The following ATXN7L1 variants were observed in gnomAD, a reference collection of about 807,000 sequenced individuals.
ATXN7L1 encodes the protein ataxin-7-like protein 1.
Under a neutral mutation model 70.8 loss-of-function variants are expected in ATXN7L1, and 15 were observed. That is an observed-to-expected ratio of 0.21 (90% CI 0.14 to 0.33). The LOEUF (loss-of-function observed/expected upper bound fraction) is 0.33, where lower values mean the gene tolerates loss of function less well. Among genes scored for constraint, ATXN7L1 ranks in the 10% least tolerant of loss-of-function variants. The pLI is 1.00. For missense variants in ATXN7L1, 975 were observed against 1,097.1 expected, an observed-to-expected ratio of 0.89 and a Z score of 1.57; for synonymous variants, 440 against 445.1, an observed-to-expected ratio of 0.99 and a Z score of 0.14.
intron 3 of ATXN7L1, among the ~76,000 whole-genome samples, chr7:105,714,674 T>C (rs1794320860): frequency 6.6e-6 from 1 of 152,044 alleles, no homozygotes; most frequent in African/African-American, 2.4e-5. Flanking sequence ...TGTTTTTGTT[T>C]TTGTTTTTGA....
At chr7:105,623,381 C>T (rs546016110) in intron 8 of ATXN7L1, among the ~76,000 whole-genome samples, 16 of 152,156 alleles carry the variant, frequency 1.1e-4, no homozygotes, top group African/African-American at 3.4e-4. Flanking sequence ...AGTGCTCGTA[C>T]GCAAACAATA....
intron 7 of ATXN7L1, among the ~76,000 whole-genome samples, chr7:105,635,556 A>C (rs1165679801): frequency 6.6e-6 from 1 of 152,208 alleles, no homozygotes; most frequent in African/African-American, 2.4e-5. Flanking sequence ...GAGACAGGCT[A>C]AGAACCATGA....
chr7:105,765,244 G>A (rs894423536), intron 3 of ATXN7L1, among the ~76,000 whole-genome samples: 1 of 151,004 alleles, frequency 6.6e-6, no homozygotes, highest in African/African-American at 2.4e-5. Context: ...TGAGGCAGGA[G>A]AATTGCTTAA....
intron 2 of ATXN7L1, among the ~76,000 whole-genome samples, chr7:105,789,413 T>A (rs1804798278): frequency 6.6e-6 from 1 of 152,174 alleles, no homozygotes; most frequent in Middle Eastern, 3.2e-3. Context: ...CATCATTGCC[T>A]GCAGCTGTGT....
chr7:105,612,078 A>G (rs537104969), intron 10 of ATXN7L1, among the ~76,000 whole-genome samples: 1 of 152,314 alleles, frequency 6.6e-6, no homozygotes, highest in South Asian at 2.1e-4. Flanking sequence ...AGCATTTCCT[A>G]CAGTCCTGCA....
chr7:105,635,014 T>A lies in ATXN7L1; in HGVS notation c.1202+3339A>T, dbSNP rs535136861. 2.0e-5 allele frequency among the ~76,000 whole-genome samples: 3 copies of A among 152,238 alleles called. No homozygotes were observed. The South Asian group carries it at 6.2e-4, about 32-fold the overall frequency. On this transcript the variant is annotated intron_variant, in intron 7 of 11. Coordinates refer to ENST00000419735, the MANE Select transcript of ATXN7L1 (RefSeq NM_020725.2). Reference sequence around the variant, plus strand: ...AGAAGTTGCTTTTACCCCAGACTCATCCCTGCCCTTTGTCAGGAATCTAAG... The same window carrying A: ...AGAAGTTGCTTTTACCCCAGACTCAACCCTGCCCTTTGTCAGGAATCTAAG...
At chr7:105,733,553 TCCAC>T (rs1416330000) in intron 3 of ATXN7L1, among the ~76,000 whole-genome samples, 3,435 of 76,396 alleles carry the variant, frequency 0.045, 287 homozygotes, top group South Asian at 0.073. Flanking sequence ...CATCCATCCA[TCCAC>T]CCATCCATCC....
intron 3 of ATXN7L1, among the ~76,000 whole-genome samples, chr7:105,759,109 A>G (rs922583107): frequency 6.6e-6 from 1 of 150,796 alleles, no homozygotes; most frequent in African/African-American, 2.4e-5. Context: ...TAATAAATAT[A>G]CTAAATTATA....
chr7:105,667,041 C>T (rs1015964422), intron 3 of ATXN7L1, among the ~76,000 whole-genome samples: 1 of 152,250 alleles, frequency 6.6e-6, no homozygotes, highest in African/African-American at 2.4e-5. Flanking sequence ...CCCTTCTCAT[C>T]TCTCATGATT....
At chr7:105,683,832 T>G (rs571567793) in intron 3 of ATXN7L1, among the ~76,000 whole-genome samples, 48 of 152,304 alleles carry the variant, frequency 3.2e-4, no homozygotes, top group African/African-American at 1.1e-3. Flanking sequence ...CTTGCCAACC[T>G]GATCGTTCAT....
chr7:105,692,011 G>C (rs952514662), intron 3 of ATXN7L1, among the ~76,000 whole-genome samples: 17 of 152,152 alleles, frequency 1.1e-4, no homozygotes, highest in African/African-American at 4.1e-4. Flanking sequence ...AAGCCCCAAA[G>C]CAATTGGGTA....
At chr7:105,847,198 C>A (rs1327967417) in intron 2 of ATXN7L1, among the ~76,000 whole-genome samples, 1 of 152,138 alleles carries the variant, frequency 6.6e-6, no homozygotes, top group African/African-American at 2.4e-5. Flanking sequence ...ACATGGGAGG[C>A]GTGTTCCCTG....
At chr7:105,696,633 G>C (rs377735369) in intron 3 of ATXN7L1, among the ~76,000 whole-genome samples, 1 of 152,172 alleles carries the variant, frequency 6.6e-6, no homozygotes, top group East Asian at 1.9e-4. Flanking sequence ...CTAATGGAGA[G>C]ATGTGGAATA....
intron 2 of ATXN7L1, among the ~76,000 whole-genome samples, chr7:105,838,588 G>A (rs1812756162): frequency 6.6e-6 from 1 of 152,184 alleles, no homozygotes; most frequent in Non-Finnish European, 1.5e-5. Flanking sequence ...CAGGGGCTGA[G>A]AGACTGGGTA....
At chr7:105,729,229 C>T (rs550676352) in intron 3 of ATXN7L1, among the ~76,000 whole-genome samples, 7 of 151,480 alleles carry the variant, frequency 4.6e-5, no homozygotes, top group Non-Finnish European at 1.0e-4. Context: ...TGTGACAGTG[C>T]CACCACATTC....
chr7:105,772,424 C>T lies in ATXN7L1; in HGVS notation c.355+16180G>A, dbSNP rs535962688. On this transcript the variant is annotated intron_variant, in intron 3 of 11. Transcript: ENST00000419735. ...GATATACTGCTTTACAAGAGAGACA[C>T]CTAAAACAAAATGACACAGAAAAGT... 4.6e-5 allele frequency among the ~76,000 whole-genome samples: 7 copies of T among 151,946 alleles called. No homozygotes were observed. In the East Asian group the frequency reaches 7.7e-4, roughly 17 times the overall value.
chr7:105,734,302 C>T (rs1240747304), intron 3 of ATXN7L1, among the ~76,000 whole-genome samples: 2 of 152,120 alleles, frequency 1.3e-5, no homozygotes, highest in African/African-American at 2.4e-5. Flanking sequence ...ATGCTAAAAC[C>T]GAAACCAAAA....
chr7:105,824,739 G>A (rs1040145922), intron 2 of ATXN7L1, among the ~76,000 whole-genome samples: 4 of 151,806 alleles, frequency 2.6e-5, no homozygotes, highest in Non-Finnish European at 2.9e-5. Flanking sequence ...GTAAAAGAAC[G>A]TTTTCCAGAA....
At chr7:105,834,030 TC>T (rs1812016495) in intron 2 of ATXN7L1, among the ~76,000 whole-genome samples, 1 of 152,226 alleles carries the variant, frequency 6.6e-6, no homozygotes, top group Admixed American at 6.5e-5. Flanking sequence ...GTCATCATTG[TC>T]TTTGTTTTGT....
Sources: allele counts gnomAD v4.1 joint callset (sites outside exome capture counted in the v4.1 genomes callset), GRCh38; gene constraint gnomAD v4.1.1; transcripts MANE v1.5; gene names NCBI Gene and HGNC (gene_info 2026-07-23, HGNC 2026-07-21).